SLC24A2: variants seen among roughly 807,000 people sequenced by gnomAD.
SLC24A2 encodes sodium/potassium/calcium exchanger 2.
A neutral mutation model predicts 62.0 loss-of-function variants in SLC24A2; 36 were observed. The observed-to-expected ratio is 0.58, with a 90% CI of 0.44 to 0.77. The LOEUF (loss-of-function observed/expected upper bound fraction) is 0.77, where lower values mean the gene tolerates loss of function less well. SLC24A2 is among the 30% of genes least tolerant of loss of function. The pLI is 0.00. For missense variants in SLC24A2, 846 were observed against 817.9 expected (o/e 1.03, Z -0.42); for synonymous variants, 358 against 294.0 (o/e 1.22, Z -2.23).
chr9:19,885,055 A>C, the SLC24A2 span, among the ~76,000 whole-genome samples: 62,677 of 151,958 alleles, frequency 0.41, 13,500 homozygotes, highest in East Asian at 0.84. Flanking sequence ...CTCAATTCTC[A>C]TTCCTTCTGC....
chr9:20,259,189 A>C, the SLC24A2 span, among the ~76,000 whole-genome samples: 8 of 152,166 alleles, frequency 5.3e-5, no homozygotes, highest in African/African-American at 1.4e-4. Context: ...CTCCAGGAAA[A>C]ATTGACGCCC....
chr9:19,543,585 C>T (rs939119016), intron 8 of SLC24A2, among the ~76,000 whole-genome samples: 3 of 152,082 alleles, frequency 2.0e-5, no homozygotes, highest in African/African-American at 7.2e-5. Flanking sequence ...ATAAATTTCC[C>T]TCTACACAGT....
chr9:19,981,095 A>G, the SLC24A2 span, among the ~76,000 whole-genome samples: 1 of 152,220 alleles, frequency 6.6e-6, no homozygotes, highest in Non-Finnish European at 1.5e-5. Flanking sequence ...AACCAATAAG[A>G]AAGATGTAAA....
At chr9:19,710,305 G>A (rs1218578159) in intron 2 of SLC24A2, among the ~76,000 whole-genome samples, 2 of 152,132 alleles carry the variant, frequency 1.3e-5, no homozygotes, top group East Asian at 1.9e-4. Flanking sequence ...CAGGTAAGGG[G>A]ACATAACCAA....
intron 10 of SLC24A2, 100 bp downstream of exon 10, chr9:19,520,794 G>C: frequency 1.8e-6 from 2 of 1,086,070 alleles, no homozygotes; most frequent in Non-Finnish European, 2.9e-6. Flanking sequence ...GTATTGGTTA[G>C]TCTTAGGTTC....
chr9:19,993,817 A>T, the SLC24A2 span, among the ~76,000 whole-genome samples: 1 of 152,214 alleles, frequency 6.6e-6, no homozygotes, highest in East Asian at 1.9e-4. Flanking sequence ...CATTACCACT[A>T]GTAACAGAGC....
the SLC24A2 span, among the ~76,000 whole-genome samples, chr9:20,233,374 G>T: frequency 1.3e-5 from 2 of 152,048 alleles, no homozygotes; most frequent in Admixed American, 6.5e-5. Flanking sequence ...TCTCTTTGTA[G>T]GTCACTCAGG....
At chr9:20,162,427 C>A in the SLC24A2 span, among the ~76,000 whole-genome samples, 2 of 151,896 alleles carry the variant, frequency 1.3e-5, no homozygotes, top group African/African-American at 4.8e-5. Context: ...AAGACTAAAC[C>A]AGGAAGAAGT....
intron 8 of SLC24A2, among the ~76,000 whole-genome samples, chr9:19,530,057 G>C (rs1833627519): frequency 1.4e-5 from 2 of 145,292 alleles, no homozygotes; most frequent in Non-Finnish European, 3.0e-5. Flanking sequence ...CCAGCCATTA[G>C]ATCTTTACTT....
chr9:20,116,277 A>G, the SLC24A2 span, among the ~76,000 whole-genome samples: 1 of 152,090 alleles, frequency 6.6e-6, no homozygotes, highest in Non-Finnish European at 1.5e-5. Flanking sequence ...CTTATTCAAA[A>G]GCTTTTGCTG....
chr9:20,073,108 G>A, the SLC24A2 span, among the ~76,000 whole-genome samples: 3 of 152,224 alleles, frequency 2.0e-5, no homozygotes, highest in East Asian at 5.8e-4. Flanking sequence ...GTTTTTGTAG[G>A]TCAGGAATTC....
chr9:20,095,376 T>C, the SLC24A2 span, among the ~76,000 whole-genome samples: 1 of 152,224 alleles, frequency 6.6e-6, no homozygotes, highest in African/African-American at 2.4e-5. Context: ...TCAAACATTA[T>C]TCTGGGTGTT....
the SLC24A2 span, among the ~76,000 whole-genome samples, chr9:19,931,462 AATT>A: frequency 4.6e-5 from 7 of 152,228 alleles, no homozygotes; most frequent in Non-Finnish European, 8.8e-5. Context: ...AGAATGTTAA[AATT>A]ATTATTTTTT....
the SLC24A2 span, among the ~76,000 whole-genome samples, chr9:20,195,599 G>A: frequency 6.6e-6 from 1 of 151,950 alleles, no homozygotes; most frequent in Admixed American, 6.6e-5. Context: ...TCAATTATAT[G>A]TATTGCAAAA....
At chr9:19,949,391 C>T in the SLC24A2 span, among the ~76,000 whole-genome samples, 1 of 152,116 alleles carries the variant, frequency 6.6e-6, no homozygotes, top group Non-Finnish European at 1.5e-5. Flanking sequence ...CATGTGCAGG[C>T]CAGCAAAAGA....
intron 10 of SLC24A2, among the ~76,000 whole-genome samples, chr9:19,518,450 C>A (rs554923921): frequency 7.1e-6 from 1 of 140,482 alleles, no homozygotes; most frequent in African/African-American, 2.7e-5. Context: ...GAGATGGAGT[C>A]TTGCTCTGTC....
At chr9:19,792,536 C>CAAAAAAAAA (rs1165695410), upstream of SLC24A2, among the ~76,000 whole-genome samples, 837 of 73,896 alleles carry the variant, frequency 0.011, no homozygotes, top group East Asian at 0.015. Flanking sequence ...ACTAAAAATA[C>CAAAAAAAAA]AAAAAAAAAA....
At chr9:19,858,426 T>A in the SLC24A2 span, among the ~76,000 whole-genome samples, 1 of 152,174 alleles carries the variant, frequency 6.6e-6, no homozygotes, top group Non-Finnish European at 1.5e-5. Context: ...GGAAATACCA[T>A]TGTAGACATA....
At position 19,550,018 on chromosome 9, in the gene SLC24A2, G is replaced by T. The variant is rs886715941; in HGVS notation, c.1479+119C>A. ...AGTTGTACCTATTTATGGGGTATAT[G>T]TGAGATTTTGATACAAGTGTACTTC... On this transcript the variant is annotated intron_variant, in intron 8 of 10. Transcript: ENST00000341998. 6 of 1,007,068 alleles carry T rather than the reference G, an allele frequency of 6.0e-6. No individual in the cohort carries two copies. The African/African-American group carries it at 8.0e-5, about 13-fold the overall frequency. The allele number at this position is 1,007,068 out of a possible 1,614,324, so 62.4% of individuals were successfully genotyped here. A position where few individuals can be genotyped will look rare whatever the true frequency, so the allele number is the denominator to read the frequency against.
Sources: allele counts gnomAD v4.1 joint callset (sites outside exome capture counted in the v4.1 genomes callset), GRCh38; gene constraint gnomAD v4.1.1; transcripts MANE v1.5; gene names NCBI Gene and HGNC (gene_info 2026-07-23, HGNC 2026-07-21).